Variants in UBE2E3 observed in about 807,000 individuals in gnomAD.
UBE2E3 encodes ubiquitin-conjugating enzyme E2 E3.
UBE2E3 carries 5 observed loss-of-function variants against 23.6 expected under a neutral mutation model. The observed-to-expected ratio is 0.21, with a 90% CI of 0.11 to 0.44. The LOEUF is 0.44. UBE2E3 is among the 20% of genes least tolerant of loss of function. The pLI is 0.99. For missense variants in UBE2E3, 81 were observed against 249.8 expected (o/e 0.32, Z 4.55); for synonymous variants, 78 against 87.5 (o/e 0.89, Z 0.60).
At chr2:181,053,601 C>T (rs1686906246) in intron 3 of UBE2E3, among the ~76,000 whole-genome samples, 1 of 151,042 alleles carries the variant, frequency 6.6e-6, no homozygotes, top group Non-Finnish European at 1.5e-5. Context: ...CCCCTTGTAT[C>T]TCTGCCCCTG....
In UBE2E3 at chr2:181,007,449, C is replaced by T. The variant is rs573931772; in HGVS notation, c.245+23356C>T. On this transcript the variant is annotated intron_variant, in intron 3 of 5. Coordinates refer to ENST00000410062, the MANE Select transcript of UBE2E3 (RefSeq NM_006357.4). The stretch of plus-strand genomic sequence containing the variant: ...AAATATAAGAGAGTAGACTGGACTC[C>T]GGAAAAGAAGAGAAAGTGGAGATAA... 1.1e-3 allele frequency among the ~76,000 whole-genome samples: 167 copies of T among 151,346 alleles called. 5 individuals carry two copies. The South Asian group carries it at 0.032, about 29-fold the overall frequency.
At chr2:181,021,586 T>C (rs13410467) in intron 3 of UBE2E3, among the ~76,000 whole-genome samples, 1,836 of 56,032 alleles carry the variant, frequency 0.033, 4 homozygotes, top group East Asian at 0.064. Flanking sequence ...CTCCCTCCCT[T>C]CCTTCCTCCC....
chr2:181,040,887 A>T (rs546953281), intron 3 of UBE2E3, among the ~76,000 whole-genome samples: 1 of 152,046 alleles, frequency 6.6e-6, no homozygotes, highest in Admixed American at 6.6e-5. Flanking sequence ...AAAGCAGAAG[A>T]CTTGAATTTT....
At chr2:181,062,739 C>A in intron 5 of UBE2E3, 52 bp from the exon 6 acceptor site, 1 of 1,084,350 alleles carries the variant, frequency 9.2e-7, no homozygotes, top group Non-Finnish European at 1.4e-6. Context: ...TAGAACTATA[C>A]CTTGAAGAAG....
chr2:181,033,294 A>C (rs1259594226), intron 3 of UBE2E3, among the ~76,000 whole-genome samples: 2 of 152,234 alleles, frequency 1.3e-5, no homozygotes, highest in Admixed American at 1.3e-4. Flanking sequence ...ACAAGGCTAC[A>C]GTAACCAAAA....
chr2:181,057,224 C>A (rs564611579), intron 3 of UBE2E3, among the ~76,000 whole-genome samples: 1 of 151,790 alleles, frequency 6.6e-6, no homozygotes, highest in African/African-American at 2.4e-5. Flanking sequence ...ACAAATTGTA[C>A]TTTAAAGAAT....
intron 3 of UBE2E3, among the ~76,000 whole-genome samples, chr2:181,040,709 G>A (rs972366822): frequency 1.3e-5 from 2 of 152,180 alleles, no homozygotes; most frequent in Non-Finnish European, 2.9e-5. Flanking sequence ...AGTTTAGTCT[G>A]ATGACAAAGG....
At chr2:181,023,078 C>T (rs546407650) in intron 3 of UBE2E3, among the ~76,000 whole-genome samples, 16 of 152,202 alleles carry the variant, frequency 1.1e-4, no homozygotes, top group Non-Finnish European at 2.1e-4. Flanking sequence ...TCAGTAGAAA[C>T]CATAACCCCG....
chr2:181,051,389 T>G lies in UBE2E3; in HGVS notation c.246-6304T>G, dbSNP rs189334461. Among the ~76,000 whole-genome samples the G allele has an allele frequency of 3.9e-4, 59 of 151,978 alleles. 1 individual carries two copies. The Middle Eastern group carries it at 0.01, about 26-fold the overall frequency. On this transcript the variant is annotated intron_variant, in intron 3 of 5. Coordinates refer to ENST00000410062, the MANE Select transcript of UBE2E3 (RefSeq NM_006357.4). ...GTTGGATATCTTCTCATTTTTAATA[T>G]TCTTCTTAGAACTCAGGTGTGCTTA...
intron 3 of UBE2E3, among the ~76,000 whole-genome samples, chr2:181,004,118 AT>A (rs113717280): frequency 0.23 from 35,312 of 152,060 alleles, 4,470 homozygotes; most frequent in Non-Finnish European, 0.28. Context: ...GTGAAGTTAA[AT>A]TTAATCAGTA....
chr2:181,033,637 A>T (rs1371279150), intron 3 of UBE2E3, among the ~76,000 whole-genome samples: 1 of 152,244 alleles, frequency 6.6e-6, no homozygotes, highest in Non-Finnish European at 1.5e-5. Flanking sequence ...CTTCATGTCT[A>T]AAACACCAAA....
At chr2:181,005,067 C>T (rs938306011) in intron 3 of UBE2E3, among the ~76,000 whole-genome samples, 6 of 152,166 alleles carry the variant, frequency 3.9e-5, no homozygotes, top group South Asian at 2.1e-4. Flanking sequence ...TTGGTTGCAG[C>T]GGCATACAAC....
intron 3 of UBE2E3, among the ~76,000 whole-genome samples, chr2:181,017,488 G>C (rs1391864722): frequency 6.6e-6 from 1 of 151,950 alleles, no homozygotes; most frequent in African/African-American, 2.4e-5. Flanking sequence ...CTACGAATGT[G>C]ACAATTCTGA....
chr2:181,029,879 C>T (rs1686021715), intron 3 of UBE2E3, among the ~76,000 whole-genome samples: 2 of 150,168 alleles, frequency 1.3e-5, no homozygotes, highest in African/African-American at 4.9e-5. Context: ...TCTCTGTCGC[C>T]AGGTGGGGGT....
chr2:181,047,015 T>TA (rs1289151471), intron 3 of UBE2E3, among the ~76,000 whole-genome samples: 4 of 152,144 alleles, frequency 2.6e-5, no homozygotes, highest in African/African-American at 7.2e-5. Context: ...AGGTAACCAG[T>TA]ATTAGCATTT....
chr2:180,993,608 G>A lies in UBE2E3; in HGVS notation c.245+9515G>A, dbSNP rs367615411. 7.9e-5 allele frequency among the ~76,000 whole-genome samples: 12 copies of A among 152,044 alleles called. No individual in the cohort carries two copies. The South Asian group carries it at 1.2e-3, about 16-fold the overall frequency. ...TCATGATCCCCCTTTACATCCATGC[G>A]TCTCACTTTTTATAAACACTGTTTA... is the stretch of plus-strand genomic sequence containing the variant. On this transcript the variant is annotated intron_variant, in intron 3 of 5. Transcript: ENST00000410062.
intron 3 of UBE2E3, 117 bp downstream of exon 3, chr2:180,984,210 C>A: frequency 4.9e-6 from 4 of 817,300 alleles, no homozygotes; most frequent in Non-Finnish European, 3.7e-6. Flanking sequence ...TACAGCTTTG[C>A]AAGTGCATTA....
At chr2:181,033,672 A>T (rs1360885109) in intron 3 of UBE2E3, among the ~76,000 whole-genome samples, 27 of 152,242 alleles carry the variant, frequency 1.8e-4, no homozygotes, top group East Asian at 9.6e-4. Context: ...AAGCCAAAAT[A>T]GACAAATGGG....
In UBE2E3 at chr2:181,057,789, C is replaced by T; in HGVS notation, c.342C>T (p.Ile114=). 6.2e-7 allele frequency: 1 copy of T among 1,611,390 alleles called. No individual in the cohort carries two copies. Among genetic ancestry groups the T allele is most frequent in the Non-Finnish European group, 8.5e-7 (1 of 1,178,422 alleles). Residue 114 remains isoleucine, a synonymous_variant, in exon 4 of 6, where the codon ATC becomes ATT. Coordinates refer to ENST00000410062, the MANE Select transcript of UBE2E3 (RefSeq NM_006357.4). ...AAGGTGGTGTGTTTTTTCTGGATATCACATTTTCATCAGATTATCCATTTA... is the reference window on the plus strand; with the variant it reads ...AAGGTGGTGTGTTTTTTCTGGATATTACATTTTCATCAGATTATCCATTTA... ...VYEGGVFFLD[I]TFSSDYPFKP...
Sources: gnomAD v4.1 joint callset for allele counts (sites outside exome capture counted in the v4.1 genomes callset) on GRCh38, gnomAD v4.1.1 for gene constraint, MANE v1.5 for transcripts, NCBI Gene and HGNC (gene_info 2026-07-23, HGNC 2026-07-21) for gene names.